The following DSCAM variants were observed in gnomAD, a reference collection of about 807,000 sequenced individuals.
DSCAM encodes the protein DS cell adhesion molecule.
DSCAM carries 47 observed loss-of-function variants against 217.7 expected under a neutral mutation model. That is an observed-to-expected ratio of 0.22 (90% CI 0.17 to 0.28). DSCAM has a LOEUF of 0.28. Among genes scored for constraint, DSCAM ranks in the 10% least tolerant of loss-of-function variants. The pLI is 1.00. For missense variants in DSCAM, 2,080 were observed against 2,618.3 expected, an observed-to-expected ratio of 0.79 and a Z score of 4.49; for synonymous variants, 1,056 against 1,015.3, an observed-to-expected ratio of 1.04 and a Z score of -0.76.
intron 3 of DSCAM, among the ~76,000 whole-genome samples, chr21:40,553,331 C>T (rs2076645191): frequency 1.3e-5 from 2 of 152,114 alleles, no homozygotes; most frequent in African/African-American, 4.8e-5. Context: ...TGAAAATTTC[C>T]AGCAACTTTT....
intron 11 of DSCAM, among the ~76,000 whole-genome samples, chr21:40,190,957 G>C (rs775505853): frequency 1.3e-5 from 2 of 152,184 alleles, no homozygotes; most frequent in African/African-American, 4.8e-5. Context: ...GACTAGAAAG[G>C]TTTGAAAATT....
intron 3 of DSCAM, among the ~76,000 whole-genome samples, chr21:40,511,851 C>T (rs890640571): frequency 6.6e-6 from 1 of 151,604 alleles, no homozygotes; most frequent in African/African-American, 2.4e-5. Flanking sequence ...ATTAGCCGGG[C>T]GTGGTGGCAG....
intron 3 of DSCAM, among the ~76,000 whole-genome samples, chr21:40,526,575 G>A (rs1019356295): frequency 1.3e-5 from 2 of 151,988 alleles, no homozygotes; most frequent in African/African-American, 2.4e-5. Flanking sequence ...AGGTGAGGCC[G>A]GGGGGTGGGA....
At chr21:40,173,908 T>TG (rs1442300083) in intron 15 of DSCAM, among the ~76,000 whole-genome samples, 1 of 152,216 alleles carries the variant, frequency 6.6e-6, no homozygotes, top group Admixed American at 6.5e-5. Context: ...TAATTGAAGC[T>TG]GCATGTTCTA....
chr21:40,352,263 GGA>G (rs1269736104), intron 5 of DSCAM, among the ~76,000 whole-genome samples: 1 of 152,172 alleles, frequency 6.6e-6, no homozygotes, highest in Non-Finnish European at 1.5e-5. Context: ...CAGGGAGCTA[GGA>G]GAGGTCTTTA....
chr21:40,338,642 T>G (rs1459402840), intron 7 of DSCAM, among the ~76,000 whole-genome samples: 1 of 152,330 alleles, frequency 6.6e-6, no homozygotes, highest in South Asian at 2.1e-4. Flanking sequence ...TAAAAGGCAA[T>G]TTAATTAATA....
At chr21:40,722,106 A>C (rs2090907966) in intron 1 of DSCAM, among the ~76,000 whole-genome samples, 1 of 152,118 alleles carries the variant, frequency 6.6e-6, no homozygotes, top group South Asian at 2.1e-4. Flanking sequence ...AAGACAAAAT[A>C]ACTTTCTAGA....
chr21:40,082,463 A>G (rs2089476229), intron 24 of DSCAM, among the ~76,000 whole-genome samples: 1 of 152,176 alleles, frequency 6.6e-6, no homozygotes, highest in Admixed American at 6.5e-5. Context: ...CCGTCTCAAC[A>G]AAACAAAACA....
At chr21:40,032,193 G>A (rs745605900) in intron 32 of DSCAM, among the ~76,000 whole-genome samples, 4 of 152,144 alleles carry the variant, frequency 2.6e-5, no homozygotes, top group Non-Finnish European at 5.9e-5. Context: ...GTTCCTTGTG[G>A]CTGTTGTGTG....
At position 40,787,325 on chromosome 21, in the gene DSCAM, A is replaced by G. The variant is rs560415940; in HGVS notation, c.43+59294T>C. On this transcript the variant is annotated intron_variant, in intron 1 of 32. Transcript: ENST00000400454. ...GATGTGTCCTAACTGGCATGCCACT[A>G]TCAGATTTAAGATAAAAATCACATG... 9.8e-5 allele frequency among the ~76,000 whole-genome samples: 15 copies of G among 152,294 alleles called. No individual in the cohort carries two copies. The South Asian group carries it at 2.7e-3, about 27-fold the overall frequency.
intron 30 of DSCAM, among the ~76,000 whole-genome samples, chr21:40,050,809 C>T (rs1044760732): frequency 6.6e-6 from 1 of 152,156 alleles, no homozygotes; most frequent in Admixed American, 6.5e-5. Context: ...TGGCACACAC[C>T]CCTTTGCAAA....
intron 3 of DSCAM, among the ~76,000 whole-genome samples, chr21:40,545,662 T>G (rs1185188085): frequency 6.6e-6 from 1 of 152,090 alleles, no homozygotes. Context: ...AAGAATTGTG[T>G]GAGATGATGT....
chr21:40,141,975 T>TACACACACACACACACACATAC (rs1555883014), intron 18 of DSCAM, among the ~76,000 whole-genome samples: 8 of 143,116 alleles, frequency 5.6e-5, no homozygotes, highest in African/African-American at 2.2e-4. Context: ...CCACTTGAAA[T>TACACACACACACACACACATAC]ACACACACAC....
chr21:40,435,738 T>C (rs1032350200), intron 3 of DSCAM, among the ~76,000 whole-genome samples: 3 of 152,240 alleles, frequency 2.0e-5, no homozygotes, highest in Admixed American at 6.5e-5. Context: ...GTTTCACTGA[T>C]CTCTATGCCT....
chr21:40,629,680 TC>T (rs1293613474), intron 3 of DSCAM: 2 of 152,208 alleles, frequency 1.3e-5, no homozygotes, highest in Non-Finnish European at 2.9e-5. Context: ...AAGAAATTAA[TC>T]AGCCTTTGTT....
Position 40,019,728 on chromosome 21 carries a change from CCTCGG to C in DSCAM, c.5687-6347_5687-6343del, listed in dbSNP as rs1158880769. Among the ~76,000 whole-genome samples, 26 of 152,308 alleles carry C rather than the reference CCTCGG, an allele frequency of 1.7e-4. No individual in the cohort carries two copies. In the East Asian group the frequency reaches 4.6e-3, roughly 27 times the overall value. Reference sequence around the variant, plus strand: ...ACTCACCTCCACTGGGTGCAAATGCCCTCGGCATCCCTGTGTGTAAATCTATCATT... The same window carrying C: ...ACTCACCTCCACTGGGTGCAAATGCCCATCCCTGTGTGTAAATCTATCATT... On this transcript the variant is annotated intron_variant, in intron 32 of 32. Transcript: ENST00000400454.
At chr21:40,288,298 C>A (rs1369838516) in intron 10 of DSCAM, among the ~76,000 whole-genome samples, 1 of 152,210 alleles carries the variant, frequency 6.6e-6, no homozygotes, top group Non-Finnish European at 1.5e-5. Flanking sequence ...CATGAAAGGA[C>A]TATCCATGGT....
At chr21:40,550,263 G>A (rs2076618892) in intron 3 of DSCAM, among the ~76,000 whole-genome samples, 1 of 152,196 alleles carries the variant, frequency 6.6e-6, no homozygotes, top group Admixed American at 6.5e-5. Flanking sequence ...AGTGGCTCAT[G>A]CCTGTAATCC....
chr21:40,386,931 T>A lies in DSCAM; in HGVS notation c.509-17686A>T, dbSNP rs554557123. On this transcript the variant is annotated intron_variant, in intron 3 of 32. Transcript: ENST00000400454. Reference sequence around the variant, plus strand: ...GATTAAGTTTTGGTCATTTCTCTCATGAAATGTATGTCAGATTACATTATT... The same window carrying A: ...GATTAAGTTTTGGTCATTTCTCTCAAGAAATGTATGTCAGATTACATTATT... Among the ~76,000 whole-genome samples the A allele has an allele frequency of 3.8e-4, 58 of 152,334 alleles. No homozygotes were observed. The South Asian group carries it at 6.2e-3, about 16-fold the overall frequency.
Sources: gnomAD v4.1 joint callset for allele counts (sites outside exome capture counted in the v4.1 genomes callset) on GRCh38, gnomAD v4.1.1 for gene constraint, MANE v1.5 for transcripts, NCBI Gene and HGNC (gene_info 2026-07-23, HGNC 2026-07-21) for gene names.